ZNF292: variants seen among roughly 807,000 people sequenced by gnomAD.
ZNF292 encodes the protein 16 zinc-finger domain protein.
In ZNF292, 26 loss-of-function variants were observed where a neutral mutation model predicts 217.9. That is an observed-to-expected ratio of 0.12 (90% CI 0.09 to 0.17). The LOEUF is 0.17. ZNF292 is among the 10% of genes least tolerant of loss of function. The pLI is 1.00. For synonymous variants in ZNF292, 1,257 were observed against 1,124.1 expected (o/e 1.12, Z -2.37); for missense variants, 2,904 against 3,175.2 (o/e 0.91, Z 2.05).
intron 4 of ZNF292, among the ~76,000 whole-genome samples, chr6:87,226,762 T>C (rs192426490): frequency 6.6e-6 from 1 of 151,294 alleles, no homozygotes; most frequent in Admixed American, 6.6e-5. Flanking sequence ...CACTGCAACC[T>C]CCGCCTCCTG....
At chr6:87,171,559 A>T (rs910253566) in intron 1 of ZNF292, among the ~76,000 whole-genome samples, 1 of 152,140 alleles carries the variant, frequency 6.6e-6, no homozygotes, top group Non-Finnish European at 1.5e-5. Flanking sequence ...TTTTAAGAGG[A>T]GTAGATCCAA....
intron 5 of ZNF292, 61 bp from the exon 6 acceptor site, chr6:87,243,414 A>T (rs1774413035): frequency 7.3e-7 from 1 of 1,368,672 alleles, no homozygotes; most frequent in East Asian, 2.6e-5. Flanking sequence ...CTAAAGGTAT[A>T]TTGCTCTATA....
rs1562199707 is a variant in ZNF292 at position 87,263,395 on chromosome 6, A to G, written c.*1594A>G. On this transcript the variant is annotated 3_prime_UTR_variant, in exon 8 of 8. Coordinates refer to ENST00000369577, the MANE Select transcript of ZNF292 (RefSeq NM_015021.3). ...ATATTGTGATGGTATGAAAATGTGTACATTCCCTGTGCAACATCAGATTTG... is the reference window on the plus strand; with the variant it reads ...ATATTGTGATGGTATGAAAATGTGTGCATTCCCTGTGCAACATCAGATTTG... 2 of 152,108 alleles carry G rather than the reference A, an allele frequency of 1.3e-5. No homozygotes were observed. The highest frequency in any genetic ancestry group is 2.9e-5 in the Non-Finnish European group (2 of 67,960). The allele number at this position is 152,108 out of a possible 1,614,324, so 9.4% of individuals were successfully genotyped here. A position where few individuals can be genotyped will look rare whatever the true frequency, so the allele number is the denominator to read the frequency against.
At chr6:87,238,888 C>G (rs1309576933) in intron 5 of ZNF292, among the ~76,000 whole-genome samples, 10 of 146,302 alleles carry the variant, frequency 6.8e-5, no homozygotes, top group East Asian at 2.1e-4. Context: ...TGACTCTTAA[C>G]GAGCATGCTG....
At chr6:87,227,297 A>G (rs768020551) in intron 4 of ZNF292, among the ~76,000 whole-genome samples, 47 of 152,114 alleles carry the variant, frequency 3.1e-4, no homozygotes, top group Non-Finnish European at 5.6e-4. Flanking sequence ...CCAGGGCCCT[A>G]CCTCATACCA....
rs200867994 is a variant in ZNF292, at chr6:87,190,855, CT to C, written c.169-25045del. ...TATTGATAGTCTTTTTGCATTTTTT[CT>C]TTACTGTTTCTTCTGAAGTTATAAA... On this transcript the variant is annotated intron_variant, in intron 1 of 7. Transcript: ENST00000369577. 7.1e-4 allele frequency among the ~76,000 whole-genome samples: 108 copies of C among 152,198 alleles called. 1 individual carries two copies. In the East Asian group the frequency reaches 0.021, roughly 29 times the overall value.
rs756631142 is a variant in ZNF292, at chr6:87,260,894, ATCT to A, written c.7270_7272del (p.Leu2424del). On this transcript the variant is annotated inframe_deletion, in exon 8 of 8. Coordinates refer to ENST00000369577, the MANE Select transcript of ZNF292 (RefSeq NM_015021.3). The stretch of plus-strand genomic sequence containing the variant: ...AAGGCATTTACATCACAACACCGAA[ATCT>A]TCTTATTGTATTCAAACGGTGTTGC... 2.0e-5 allele frequency: 33 copies of A among 1,610,558 alleles called. No individual in the cohort carries two copies. Among genetic ancestry groups the A allele is most frequent in the Non-Finnish European group, 2.3e-5 (27 of 1,178,258 alleles).
intron 1 of ZNF292, among the ~76,000 whole-genome samples, chr6:87,179,627 A>G (rs1771408252): frequency 6.6e-6 from 1 of 152,164 alleles, no homozygotes; most frequent in African/African-American, 2.4e-5. Flanking sequence ...ATGTATAAAT[A>G]TATATACTAT....
chr6:87,259,922 T>A lies in ZNF292; in HGVS notation c.6293T>A (p.Val2098Asp). 6.2e-7 allele frequency: 1 copy of A among 1,613,556 alleles called. No individual in the cohort carries two copies. Among genetic ancestry groups the A allele is most frequent in the Non-Finnish European group, 8.5e-7 (1 of 1,179,662 alleles). The part of the protein sequence containing the change: ...EKEEKKRKKP[V>D]SQSLEFPTRY... ...GAGGAGAAAAAACGAAAGAAGCCAG[T>A]TTCCCAATCCCTTGAGTTTCCAACA... is the stretch of plus-strand genomic sequence containing the variant. Residue 2098 changes from valine (V) to aspartate (D), a missense_variant, in exon 8 of 8, where the codon GTT becomes GAT. Physicochemically the swap from Val to Asp is radical, Grantham distance 152 (BLOSUM62 -3). This residue lies in a region of ZNF292 where 261 missense variants were observed against 272.8 expected (regional missense o/e 0.96). Coordinates refer to ENST00000369577, the MANE Select transcript of ZNF292 (RefSeq NM_015021.3).
At position 87,260,658 on chromosome 6, in the gene ZNF292, C is replaced by G; in HGVS notation, c.7029C>G (p.Asn2343Lys). 6.2e-7 allele frequency: 1 copy of G among 1,612,084 alleles called. No individual in the cohort carries two copies. Among genetic ancestry groups the G allele is most frequent in the Non-Finnish European group, 8.5e-7 (1 of 1,179,356 alleles). ...TKRKKKNNLE[N>K]KNAKIVQIEE... ...GAAAGAAAAAAAATAATTTAGAAAA[C>G]AAGAATGCAAAGATTGTGCAGATTG... The change falls in exon 8 of 8, where the codon AAC becomes AAG. Residue 2343 changes from asparagine to lysine, a missense_variant. Physicochemically the swap from Asn to Lys is moderately conservative, Grantham distance 94. Around this residue, in one of 15 missense-constraint regions of ZNF292, gnomAD observed 101 missense variants for 89.5 expected, o/e 1.13. Transcript: ENST00000369577.
Position 87,255,795 on chromosome 6 carries a change from T to G in ZNF292, c.2166T>G (p.Val722=), listed in dbSNP as rs775136982. 6.2e-7 allele frequency: 1 copy of G among 1,613,866 alleles called. No individual in the cohort carries two copies. The highest frequency in any genetic ancestry group is 1.1e-5 in the South Asian group (1 of 91,076). ...KRFLEMQSKK[V]ICQYCRRHFV... is the part of the protein sequence containing the mutation. The stretch of plus-strand genomic sequence containing the variant: ...TTCTTGAAATGCAGAGCAAAAAAGT[T>G]ATTTGCCAGTACTGTAGGCGGCATT... Residue 722 remains valine, a synonymous_variant, in exon 8 of 8, where the codon GTT becomes GTG. Transcript: ENST00000369577.
intron 1 of ZNF292, among the ~76,000 whole-genome samples, chr6:87,158,549 C>G (rs986414064): frequency 6.6e-6 from 1 of 152,134 alleles, no homozygotes; most frequent in African/African-American, 2.4e-5. Flanking sequence ...TGGCGAGTGC[C>G]TGTAGTCCCA....
At chr6:87,233,749 T>A in intron 5 of ZNF292, 2 of 682,968 alleles carry the variant, frequency 2.9e-6, no homozygotes, top group Non-Finnish European at 3.6e-6. Context: ...ATACATCTTT[T>A]AAATGCTTTG....
chr6:87,169,212 T>C (rs947812414), intron 1 of ZNF292, among the ~76,000 whole-genome samples: 1 of 152,076 alleles, frequency 6.6e-6, no homozygotes, highest in African/African-American at 2.4e-5. Context: ...AGCTAATTTT[T>C]GTATTTTTAG....
At chr6:87,181,997 A>G (rs1582390131) in intron 1 of ZNF292, among the ~76,000 whole-genome samples, 1 of 152,034 alleles carries the variant, frequency 6.6e-6, no homozygotes, top group Non-Finnish European at 1.5e-5. Context: ...ATTGGATCCT[A>G]CCAGATGCAA....
chr6:87,192,466 C>G (rs1016558938), intron 1 of ZNF292, among the ~76,000 whole-genome samples: 1 of 151,786 alleles, frequency 6.6e-6, no homozygotes, highest in South Asian at 2.1e-4. Context: ...GTTGTACATT[C>G]CAATATACAC....
chr6:87,250,108 C>T (rs1187119622), intron 7 of ZNF292, among the ~76,000 whole-genome samples: 1 of 151,604 alleles, frequency 6.6e-6, no homozygotes, highest in East Asian at 1.9e-4. Context: ...TACAGTTGGC[C>T]CTCCATATTC....
At chr6:87,159,408 G>A (rs1478181087) in intron 1 of ZNF292, among the ~76,000 whole-genome samples, 1 of 150,210 alleles carries the variant, frequency 6.7e-6, no homozygotes, top group Non-Finnish European at 1.5e-5. Context: ...ATGGGGTCTT[G>A]CTACATTGCC....
At chr6:87,215,434 G>A (rs897458436) in intron 1 of ZNF292, among the ~76,000 whole-genome samples, 1 of 152,048 alleles carries the variant, frequency 6.6e-6, no homozygotes, top group African/African-American at 2.4e-5. Flanking sequence ...TGTATGTACT[G>A]TTATTTTTTT....
Sources: gnomAD v4.1 joint callset for allele counts (sites outside exome capture counted in the v4.1 genomes callset) on GRCh38, gnomAD v4.1.1 for gene constraint, gnomAD v4.1.1 regional missense constraint, MANE v1.5 for transcripts, NCBI Gene and HGNC (gene_info 2026-07-23, HGNC 2026-07-21) for gene names.